The following TAFA5 variants were observed in gnomAD, a reference collection of about 807,000 sequenced individuals.
The protein encoded by TAFA5 is chemokine-like protein TAFA-5.
Under a neutral mutation model 15.3 loss-of-function variants are expected in TAFA5, and 6 were observed. The ratio of observed to expected loss-of-function variants is 0.39; its 90% CI spans 0.21 to 0.77. TAFA5 has a LOEUF of 0.77. Ranked by LOEUF, TAFA5 falls within the 30% of genes least tolerant of loss-of-function variation. TAFA5 has a pLI of 0.41. For synonymous variants in TAFA5, 103 were observed against 80.7 expected (o/e 1.28, Z -1.48); for missense variants, 161 against 193.1 (o/e 0.83, Z 0.98).
chr22:48,686,613 T>C (rs1384219396), intron 2 of TAFA5, among the ~76,000 whole-genome samples: 1 of 152,054 alleles, frequency 6.6e-6, no homozygotes, highest in Non-Finnish European at 1.5e-5. Flanking sequence ...TTTGGGTGAG[T>C]GGATGGGAGA....
intron 1 of TAFA5, among the ~76,000 whole-genome samples, chr22:48,575,395 G>C (rs1982358333): frequency 6.8e-6 from 1 of 147,820 alleles, no homozygotes; most frequent in South Asian, 2.1e-4. Flanking sequence ...CGCAGACGGC[G>C]GCGGGCGCGG....
intron 1 of TAFA5, among the ~76,000 whole-genome samples, chr22:48,538,294 G>A (rs773600029): frequency 2.0e-5 from 3 of 152,174 alleles, no homozygotes; most frequent in Non-Finnish European, 4.4e-5. Flanking sequence ...ACAGTCCTGG[G>A]CAAGGGGCTG....
intron 1 of TAFA5, among the ~76,000 whole-genome samples, chr22:48,621,550 G>A (rs571836692): frequency 2.6e-5 from 4 of 152,210 alleles, no homozygotes; most frequent in Admixed American, 6.5e-5. Flanking sequence ...AGAGGGCATC[G>A]GCGGTTGTAG....
chr22:48,741,617 C>A (rs528451843), intron 3 of TAFA5, among the ~76,000 whole-genome samples: 2 of 152,272 alleles, frequency 1.3e-5, no homozygotes, highest in Non-Finnish European at 2.9e-5. Context: ...GGTCCTGATT[C>A]AAGAGAACCC....
chr22:48,604,246 G>T (rs143502800), intron 1 of TAFA5, among the ~76,000 whole-genome samples: 2 of 152,338 alleles, frequency 1.3e-5, no homozygotes, highest in African/African-American at 4.8e-5. Context: ...CTCAGGCACT[G>T]CGTTCCTTCG....
intron 1 of TAFA5, among the ~76,000 whole-genome samples, chr22:48,636,147 A>C (rs973675760): frequency 2.6e-5 from 4 of 152,254 alleles, no homozygotes; most frequent in Non-Finnish European, 4.4e-5. Context: ...GTGGGGACAC[A>C]GGGAGGTGTT....
chr22:48,538,711 C>T (rs1289949623), intron 1 of TAFA5, among the ~76,000 whole-genome samples: 1 of 152,190 alleles, frequency 6.6e-6, no homozygotes, highest in Non-Finnish European at 1.5e-5. Flanking sequence ...CGTGGGAAAT[C>T]GCAGGACACC....
chr22:48,535,560 C>T (rs1922127420), intron 1 of TAFA5, among the ~76,000 whole-genome samples: 1 of 152,148 alleles, frequency 6.6e-6, no homozygotes, highest in South Asian at 2.1e-4. Context: ...TGCGCACAAG[C>T]TGTGTGGGTA....
At chr22:48,551,330 C>G (rs566900026) in intron 1 of TAFA5, among the ~76,000 whole-genome samples, 113 of 152,252 alleles carry the variant, frequency 7.4e-4, no homozygotes, top group African/African-American at 2.5e-3. Flanking sequence ...CGGCTCTGAC[C>G]CAGACGCCTG....
intron 1 of TAFA5, among the ~76,000 whole-genome samples, chr22:48,602,573 G>C: frequency 6.6e-6 from 1 of 152,194 alleles, no homozygotes; most frequent in East Asian, 1.9e-4. Context: ...TTGTGTCCTT[G>C]CTGTGGACTC....
chr22:48,692,322 G>A (rs1928569386), intron 2 of TAFA5, among the ~76,000 whole-genome samples: 1 of 152,250 alleles, frequency 6.6e-6, no homozygotes, highest in Non-Finnish European at 1.5e-5. Flanking sequence ...CCTCCTTGCT[G>A]TCAGGCTTAA....
At chr22:48,717,818 G>A (rs1410603890) in intron 3 of TAFA5, among the ~76,000 whole-genome samples, 2 of 152,218 alleles carry the variant, frequency 1.3e-5, no homozygotes, top group African/African-American at 4.8e-5. Context: ...TCAGGGCATA[G>A]GCAAGGGAAG....
chr22:48,511,696 C>T (rs1428488813), intron 1 of TAFA5, among the ~76,000 whole-genome samples: 2 of 152,232 alleles, frequency 1.3e-5, no homozygotes, highest in Non-Finnish European at 2.9e-5. Flanking sequence ...TGTCACCCGG[C>T]CCGGCACACA....
At chr22:48,718,620 G>C (rs577671838) in intron 3 of TAFA5, among the ~76,000 whole-genome samples, 1 of 152,160 alleles carries the variant, frequency 6.6e-6, no homozygotes, top group African/African-American at 2.4e-5. Context: ...GCACAGCCAA[G>C]CCGGGGCCTT....
chr22:48,738,379 C>T (rs904940474), intron 3 of TAFA5, among the ~76,000 whole-genome samples: 9 of 152,184 alleles, frequency 5.9e-5, no homozygotes, highest in Non-Finnish European at 1.3e-4. Flanking sequence ...AGAATGTCCC[C>T]TGCAGCCCAG....
At chr22:48,503,334 G>C (rs1255232383) in intron 1 of TAFA5, among the ~76,000 whole-genome samples, 5 of 152,236 alleles carry the variant, frequency 3.3e-5, no homozygotes, top group Admixed American at 2.6e-4. Flanking sequence ...CCACTGACTC[G>C]TGGGCCCCTG....
chr22:48,638,762 G>T (rs540716489), intron 1 of TAFA5, among the ~76,000 whole-genome samples: 1 of 105,000 alleles, frequency 9.5e-6, no homozygotes, highest in Non-Finnish European at 1.7e-5. Context: ...ACACAGGCGG[G>T]ACCCCCCCCA....
chr22:48,627,081 G>T (rs1395722320), intron 1 of TAFA5, among the ~76,000 whole-genome samples: 6 of 152,276 alleles, frequency 3.9e-5, no homozygotes, highest in Admixed American at 3.9e-4. Context: ...TCTGTTTCCT[G>T]TAATCTGCCG....
chr22:48,659,851 G>A (rs1927373971), intron 2 of TAFA5, among the ~76,000 whole-genome samples: 1 of 152,218 alleles, frequency 6.6e-6, no homozygotes, highest in African/African-American at 2.4e-5. Context: ...CAGTCCCCAT[G>A]CTGTCTTTGA....
Sources: allele counts gnomAD v4.1 joint callset (sites outside exome capture counted in the v4.1 genomes callset), GRCh38; gene constraint gnomAD v4.1.1; transcripts MANE v1.5; gene names NCBI Gene and HGNC (gene_info 2026-07-23, HGNC 2026-07-21).